The following SLIT3 variants were observed in gnomAD, a reference collection of about 807,000 sequenced individuals.
SLIT3 encodes the protein slit homolog 3 protein.
A neutral mutation model predicts 184.0 loss-of-function variants in SLIT3; 68 were observed. That is an observed-to-expected ratio of 0.37 (90% confidence interval 0.30 to 0.45). The LOEUF (loss-of-function observed/expected upper bound fraction) is 0.45, where lower values mean the gene tolerates loss of function less well. SLIT3 is among the 20% of genes least tolerant of loss of function. SLIT3 has a pLI of 1.00. For missense variants in SLIT3, 1,707 were observed against 2,026.0 expected (o/e 0.84, Z 3.02); for synonymous variants, 831 against 828.6 (o/e 1.00, Z -0.05).
chr5:169,206,679 A>G (rs1053591043), intron 3 of SLIT3, among the ~76,000 whole-genome samples: 3 of 152,194 alleles, frequency 2.0e-5, no homozygotes, highest in African/African-American at 7.2e-5. Context: ...AACACTCAAA[A>G]TCTGCAAGAT....
At chr5:169,294,567 G>A (rs531742510) in intron 1 of SLIT3, among the ~76,000 whole-genome samples, 6 of 152,348 alleles carry the variant, frequency 3.9e-5, no homozygotes, top group South Asian at 4.1e-4. Flanking sequence ...TAGGATGGGC[G>A]TCTCAAACCT....
chr5:169,236,380 T>C (rs893309505), intron 3 of SLIT3, among the ~76,000 whole-genome samples: 1 of 152,202 alleles, frequency 6.6e-6, no homozygotes, highest in Admixed American at 6.5e-5. Flanking sequence ...AAAATGATTT[T>C]AAAAATCATC....
At chr5:169,261,564 C>T (rs1232026501) in intron 1 of SLIT3, among the ~76,000 whole-genome samples, 2 of 152,012 alleles carry the variant, frequency 1.3e-5, no homozygotes, top group African/African-American at 4.8e-5. Flanking sequence ...TCCCTCCTTT[C>T]CTTGCTTCTT....
intron 20 of SLIT3, among the ~76,000 whole-genome samples, chr5:168,733,137 G>A (rs561924989): frequency 6.6e-6 from 1 of 151,942 alleles, no homozygotes; most frequent in Non-Finnish European, 1.5e-5. Context: ...CAAAGGATAT[G>A]AATAAACATT....
chr5:168,930,705 T>C (rs1053668368), intron 4 of SLIT3, among the ~76,000 whole-genome samples: 1 of 151,990 alleles, frequency 6.6e-6, no homozygotes, highest in Non-Finnish European at 1.5e-5. Flanking sequence ...CTCCATCATG[T>C]CTAGAAATAG....
At chr5:169,053,729 G>A (rs1757889959) in intron 4 of SLIT3, among the ~76,000 whole-genome samples, 1 of 151,108 alleles carries the variant, frequency 6.6e-6, no homozygotes, top group African/African-American at 2.4e-5. Flanking sequence ...TGTTACAGGT[G>A]AATTATGTCC....
chr5:169,173,193 G>A (rs568551572), intron 4 of SLIT3, among the ~76,000 whole-genome samples: 3 of 152,298 alleles, frequency 2.0e-5, no homozygotes, highest in East Asian at 1.9e-4. Flanking sequence ...CCCGGGAGGC[G>A]AGGGTTGCAG....
In SLIT3 at chr5:168,684,096, C is replaced by T. The variant is rs1035584913; in HGVS notation, c.3556G>A (p.Val1186Met). Reference protein sequence around the residue: ...VRPQANISLQVATDKDNGILL... With the variant: ...VRPQANISLQMATDKDNGILL... ...ATGCCGTTGTCCTTGTCAGTGGCCA[C>T]CTGGAGAAAGCAGCCGGGGCGTGTT... Residue 1186 changes from valine to methionine, a missense_variant and splice_region_variant, in exon 32 of 36, where the codon GTG (valine) becomes ATG (methionine). Physicochemically the swap from Val to Met is conservative, Grantham distance 21 (BLOSUM62 1). Around this residue, in one of 3 missense-constraint regions of SLIT3, gnomAD observed 387 missense variants for 477.9 expected, o/e 0.81. Transcript: ENST00000519560. The T allele has an allele frequency of 6.3e-7, 1 of 1,591,510 alleles. No homozygotes were observed. Among genetic ancestry groups the T allele is most frequent in the Non-Finnish European group, 8.6e-7 (1 of 1,167,476 alleles).
chr5:169,270,571 T>C (rs1360029509), intron 1 of SLIT3, among the ~76,000 whole-genome samples: 1 of 151,976 alleles, frequency 6.6e-6, no homozygotes, highest in Non-Finnish European at 1.5e-5. Context: ...AGGGGCAGAG[T>C]TGTGTAGCTG....
At chr5:168,776,229 C>T (rs941961518) in intron 12 of SLIT3, among the ~76,000 whole-genome samples, 4 of 152,086 alleles carry the variant, frequency 2.6e-5, no homozygotes, top group Admixed American at 6.5e-5. Flanking sequence ...CCCTTAGCTG[C>T]GGGCCTCATA....
intron 4 of SLIT3, among the ~76,000 whole-genome samples, chr5:168,985,657 G>A (rs1488360705): frequency 6.6e-6 from 1 of 152,184 alleles, no homozygotes; most frequent in African/African-American, 2.4e-5. Context: ...TCTGTCCCGT[G>A]ACCATGCTGT....
chr5:169,096,084 G>A (rs1406440315), intron 4 of SLIT3, among the ~76,000 whole-genome samples: 2 of 152,110 alleles, frequency 1.3e-5, no homozygotes, highest in East Asian at 3.9e-4. Context: ...AATTACATAT[G>A]CACTGTGAGA....
chr5:169,040,260 A>T (rs1224690395), intron 4 of SLIT3, among the ~76,000 whole-genome samples: 4 of 152,070 alleles, frequency 2.6e-5, no homozygotes, highest in African/African-American at 9.7e-5. Flanking sequence ...ATACTTTTCT[A>T]TATTGGCTCA....
chr5:168,875,925 C>G (rs902139605), intron 5 of SLIT3, among the ~76,000 whole-genome samples: 4 of 152,136 alleles, frequency 2.6e-5, no homozygotes, highest in Admixed American at 2.0e-4. Context: ...GAACCTGACA[C>G]TCTCAGTCAG....
At chr5:169,196,477 T>G (rs1182731963) in intron 3 of SLIT3, among the ~76,000 whole-genome samples, 1 of 152,204 alleles carries the variant, frequency 6.6e-6, no homozygotes, top group Non-Finnish European at 1.5e-5. Context: ...ACAACAGTGA[T>G]GATAATGGTA....
At position 168,932,977 on chromosome 5, in the gene SLIT3, C is replaced by T. The variant is rs141911763; in HGVS notation, c.414-49641G>A. Among the ~76,000 whole-genome samples the T allele has an allele frequency of 3.0e-3, 461 of 152,306 alleles. 1 individual carries two copies. Among genetic ancestry groups the T allele is most frequent in the South Asian group, 7.3e-3 (35 of 4,820 alleles). On this transcript the variant is annotated intron_variant, in intron 4 of 35. Coordinates refer to ENST00000519560, the MANE Select transcript of SLIT3 (RefSeq NM_003062.4). ...GCTTACACTGTAACTGAGCTTTCCA[C>T]ATGAATAATACTGGCAAGCATACCA...
chr5:169,261,978 C>A (rs115574125), intron 1 of SLIT3, among the ~76,000 whole-genome samples: 1,565 of 152,336 alleles, frequency 0.01, 39 homozygotes, highest in African/African-American at 0.036. Flanking sequence ...AGACAACCAG[C>A]AGGAACCTGA....
intron 18 of SLIT3, among the ~76,000 whole-genome samples, chr5:168,750,929 G>C (rs10035147): frequency 2.6e-5 from 4 of 152,146 alleles, no homozygotes; most frequent in Admixed American, 6.5e-5. Flanking sequence ...CAGTATGTTA[G>C]GACATGGTTA....
At chr5:169,282,661 T>C (rs1242649724) in intron 1 of SLIT3, among the ~76,000 whole-genome samples, 5 of 152,208 alleles carry the variant, frequency 3.3e-5, no homozygotes, top group African/African-American at 9.6e-5. Context: ...GTGGTTGTCA[T>C]GCATTGCTAT....
Sources: allele counts gnomAD v4.1 joint callset (sites outside exome capture counted in the v4.1 genomes callset), GRCh38; gene constraint gnomAD v4.1.1; regional missense constraint gnomAD v4.1.1; transcripts MANE v1.5; gene names NCBI Gene and HGNC (gene_info 2026-07-23, HGNC 2026-07-21).